The following SEZ6L variants were observed in gnomAD, a reference collection of about 807,000 sequenced individuals.
SEZ6L encodes seizure related 6 homolog like, also known as seizure 6-like protein.
SEZ6L carries 37 observed loss-of-function variants against 106.2 expected under a neutral mutation model. That is an observed-to-expected ratio of 0.35 (90% CI 0.27 to 0.46). SEZ6L has a LOEUF of 0.46. SEZ6L is among the 20% of genes least tolerant of loss of function. The pLI, the probability that SEZ6L is intolerant of heterozygous loss-of-function variation, is 1.00. For missense variants in SEZ6L, 1,172 were observed against 1,332.8 expected, an observed-to-expected ratio of 0.88 and a Z score of 1.88; for synonymous variants, 541 against 570.4, an observed-to-expected ratio of 0.95 and a Z score of 0.73.
rs1356534812 is a variant in SEZ6L, at chr22:26,382,840, G to T, written c.*2545G>T. 2 of 152,054 alleles carry T rather than the reference G, an allele frequency of 1.3e-5. No homozygotes were observed. Among genetic ancestry groups the T allele is most frequent in the Non-Finnish European group, 2.9e-5 (2 of 68,018 alleles). The allele number at this position is 152,054 out of a possible 1,614,324, so 9.4% of individuals were successfully genotyped here. The stretch of plus-strand genomic sequence containing the variant: ...AAACCCATTGGGATTAAATATTTTT[G>T]AATAGGATACACTCTTGAGAAACTC... On this transcript the variant is annotated 3_prime_UTR_variant, in exon 17 of 17. Transcript: ENST00000248933.
chr22:26,266,975 G>C (rs1156898728), intron 1 of SEZ6L, among the ~76,000 whole-genome samples: 3 of 152,230 alleles, frequency 2.0e-5, no homozygotes, highest in African/African-American at 7.2e-5. Flanking sequence ...TGTTAGAGCT[G>C]AGATGAATAA....
chr22:26,329,463 A>G (rs1415808238), intron 9 of SEZ6L, among the ~76,000 whole-genome samples: 1 of 151,784 alleles, frequency 6.6e-6, no homozygotes, highest in African/African-American at 2.4e-5. Context: ...GTGAAACACC[A>G]TCTTTAAAAA....
intron 1 of SEZ6L, among the ~76,000 whole-genome samples, chr22:26,222,937 A>G (rs1374970644): frequency 6.6e-6 from 1 of 152,014 alleles, no homozygotes; most frequent in Non-Finnish European, 1.5e-5. Flanking sequence ...TACTGTGTAG[A>G]GTCCAGAGAG....
intron 1 of SEZ6L, among the ~76,000 whole-genome samples, chr22:26,236,800 A>T (rs2078970339): frequency 6.6e-6 from 1 of 152,210 alleles, no homozygotes; most frequent in Non-Finnish European, 1.5e-5. Context: ...TACCTGCAGG[A>T]TGACATCCTG....
At chr22:26,178,634 C>T (rs996550939) in intron 1 of SEZ6L, among the ~76,000 whole-genome samples, 1 of 152,168 alleles carries the variant, frequency 6.6e-6, no homozygotes, top group Non-Finnish European at 1.5e-5. Flanking sequence ...CTGGTCTCAC[C>T]TATTCCCAGT....
chr22:26,300,009 T>G (rs543938079), intron 5 of SEZ6L, among the ~76,000 whole-genome samples: 3 of 152,350 alleles, frequency 2.0e-5, no homozygotes, highest in Admixed American at 6.5e-5. Flanking sequence ...TTGTTGTTTT[T>G]ATTGTAGCCA....
chr22:26,301,527 A>G (rs912360932), intron 5 of SEZ6L, among the ~76,000 whole-genome samples: 7 of 152,250 alleles, frequency 4.6e-5, no homozygotes, highest in African/African-American at 1.7e-4. Flanking sequence ...AGAAATTCAC[A>G]TGGTGGAATG....
chr22:26,314,570 T>C (rs960715200), intron 9 of SEZ6L, among the ~76,000 whole-genome samples: 3 of 151,900 alleles, frequency 2.0e-5, no homozygotes, highest in African/African-American at 7.3e-5. Flanking sequence ...TGATACACAG[T>C]AGATGCTCAG....
intron 1 of SEZ6L, among the ~76,000 whole-genome samples, chr22:26,188,224 G>A (rs907757915): frequency 1.2e-4 from 19 of 152,166 alleles, no homozygotes; most frequent in African/African-American, 4.3e-4. Context: ...TATCCACTTT[G>A]TTTTAGTTAA....
At chr22:26,218,479 C>T (rs1419253012) in intron 1 of SEZ6L, among the ~76,000 whole-genome samples, 4 of 152,148 alleles carry the variant, frequency 2.6e-5, no homozygotes, top group African/African-American at 9.7e-5. Flanking sequence ...ATTTGAACTG[C>T]TAGTTTTATA....
At chr22:26,331,078 G>T (rs1245548476) in intron 9 of SEZ6L, among the ~76,000 whole-genome samples, 39 of 152,192 alleles carry the variant, frequency 2.6e-4, no homozygotes, top group Non-Finnish European at 5.1e-4. Context: ...TAGCTCAATA[G>T]TTACCAACCT....
At chr22:26,318,409 C>CAAA (rs10630741) in intron 9 of SEZ6L, among the ~76,000 whole-genome samples, 11 of 146,130 alleles carry the variant, frequency 7.5e-5, no homozygotes, top group African/African-American at 2.3e-4. Flanking sequence ...TCCCCTCCTC[C>CAAA]AAAAAAAAAA....
intron 9 of SEZ6L, among the ~76,000 whole-genome samples, chr22:26,324,229 G>A (rs969689849): frequency 3.9e-5 from 6 of 152,074 alleles, no homozygotes; most frequent in Admixed American, 2.0e-4. Flanking sequence ...CATCTACTGC[G>A]AACATACATC....
chr22:26,247,209 A>C (rs1021690189), intron 1 of SEZ6L, among the ~76,000 whole-genome samples: 3 of 152,154 alleles, frequency 2.0e-5, no homozygotes, highest in Admixed American at 2.0e-4. Context: ...CAATGATGTT[A>C]TTAAGAAAAT....
chr22:26,191,247 A>G (rs1224037829), intron 1 of SEZ6L, among the ~76,000 whole-genome samples: 1 of 152,232 alleles, frequency 6.6e-6, no homozygotes, highest in African/African-American at 2.4e-5. Context: ...ATACATTCAA[A>G]GGAATATAAA....
intron 1 of SEZ6L, among the ~76,000 whole-genome samples, chr22:26,264,167 T>C (rs1449370304): frequency 6.6e-6 from 1 of 152,248 alleles, no homozygotes; most frequent in Non-Finnish European, 1.5e-5. Context: ...ATTCCAATTC[T>C]GGAATCTTGG....
intron 3 of SEZ6L, among the ~76,000 whole-genome samples, chr22:26,296,061 C>T (rs1300599121): frequency 6.6e-6 from 1 of 152,156 alleles, no homozygotes. Context: ...AAGTTCCAAG[C>T]CCTACTCATA....
chr22:26,306,878 G>C (rs2081649005), intron 6 of SEZ6L, among the ~76,000 whole-genome samples: 1 of 152,154 alleles, frequency 6.6e-6, no homozygotes, highest in Non-Finnish European at 1.5e-5. Context: ...TTCTAAGATA[G>C]TCTAGAAAAC....
intron 7 of SEZ6L, 98 bp downstream of exon 7, chr22:26,310,934 G>T (rs911748038): frequency 5.6e-6 from 7 of 1,245,742 alleles, no homozygotes; most frequent in Non-Finnish European, 7.9e-6. Context: ...TGCGAAGGAT[G>T]TGGGAAATCC....
Sources: allele counts gnomAD v4.1 joint callset (sites outside exome capture counted in the v4.1 genomes callset), GRCh38; gene constraint gnomAD v4.1.1; transcripts MANE v1.5; gene names NCBI Gene and HGNC (gene_info 2026-07-23, HGNC 2026-07-21).